Variants in MAGI2 observed in about 807,000 individuals in gnomAD.
The protein encoded by MAGI2 is membrane-associated guanylate kinase, WW and PDZ domain-containing protein 2.
MAGI2 carries 35 observed loss-of-function variants against 133.3 expected under a neutral mutation model. The ratio of observed to expected loss-of-function variants is 0.26; its 90% confidence interval spans 0.20 to 0.35. The LOEUF (loss-of-function observed/expected upper bound fraction) is 0.35, where lower values mean the gene tolerates loss of function less well. MAGI2 is among the 10% of genes least tolerant of loss of function. The pLI is 1.00. For missense variants in MAGI2, 1,636 were observed against 1,863.4 expected, an observed-to-expected ratio of 0.88 and a Z score of 2.25; for synonymous variants, 729 against 710.6, an observed-to-expected ratio of 1.03 and a Z score of -0.41.
At chr7:79,064,953 C>G (rs1814153277) in intron 1 of MAGI2, among the ~76,000 whole-genome samples, 1 of 151,926 alleles carries the variant, frequency 6.6e-6, no homozygotes, top group Non-Finnish European at 1.5e-5. Context: ...AGTGTAATAC[C>G]CTAATTATTG....
intron 6 of MAGI2, among the ~76,000 whole-genome samples, chr7:78,452,642 T>C (rs778639384): frequency 2.0e-5 from 3 of 151,820 alleles, no homozygotes; most frequent in Non-Finnish European, 4.4e-5. Flanking sequence ...GGAGACTTTG[T>C]ATGTAGAATG....
intron 1 of MAGI2, among the ~76,000 whole-genome samples, chr7:79,305,032 T>C (rs1033775840): frequency 3.3e-5 from 5 of 152,104 alleles, no homozygotes; most frequent in Admixed American, 2.6e-4. Context: ...GGAGCGATGA[T>C]GGAAATCAGC....
intron 1 of MAGI2, among the ~76,000 whole-genome samples, chr7:79,445,353 G>T (rs929684359): frequency 2.0e-4 from 30 of 152,120 alleles, no homozygotes; most frequent in Non-Finnish European, 4.1e-4. Flanking sequence ...CACAGCAAAA[G>T]AAACTACCAT....
chr7:78,500,430 T>C (rs1794517916), intron 5 of MAGI2, among the ~76,000 whole-genome samples: 1 of 152,228 alleles, frequency 6.6e-6, no homozygotes, highest in Non-Finnish European at 1.5e-5. Context: ...TCATTCACAT[T>C]AGTTTCAGTT....
chr7:79,069,681 T>G (rs1042260092), intron 1 of MAGI2, among the ~76,000 whole-genome samples: 1 of 152,208 alleles, frequency 6.6e-6, no homozygotes, highest in African/African-American at 2.4e-5. Flanking sequence ...TGTTAATTGA[T>G]GCAGTTTCTT....
intron 2 of MAGI2, among the ~76,000 whole-genome samples, chr7:78,732,537 GA>G (rs1821469905): frequency 6.6e-6 from 1 of 152,134 alleles, no homozygotes; most frequent in Non-Finnish European, 1.5e-5. Flanking sequence ...AGGATGGATT[GA>G]AAGAAGAATA....
chr7:79,019,416 T>C (rs1809060983), intron 1 of MAGI2, among the ~76,000 whole-genome samples: 1 of 152,206 alleles, frequency 6.6e-6, no homozygotes, highest in South Asian at 2.1e-4. Flanking sequence ...TGCCACCCTG[T>C]GAAGAGGTGC....
intron 2 of MAGI2, among the ~76,000 whole-genome samples, chr7:78,780,122 C>A (rs1383787844): frequency 1.3e-5 from 2 of 152,208 alleles, no homozygotes; most frequent in Admixed American, 6.5e-5. Flanking sequence ...CGTGTTATGA[C>A]AATGTGTACT....
At chr7:79,309,968 TAA>T (rs111847690) in intron 1 of MAGI2, among the ~76,000 whole-genome samples, 4 of 101,506 alleles carry the variant, frequency 3.9e-5, no homozygotes, top group Non-Finnish European at 5.9e-5. Context: ...TTGTTTTTCC[TAA>T]AAAAAAAAAA....
chr7:78,603,996 C>T lies in MAGI2; in HGVS notation c.538+23124G>A, dbSNP rs188056002. Among the ~76,000 whole-genome samples, 215 of 152,126 alleles carry T rather than the reference C, an allele frequency of 1.4e-3. 1 individual carries two copies. The highest frequency in any genetic ancestry group is 4.8e-3 in the African/African-American group (199 of 41,506). ...CATATTTTAGAGCTGATAGGCTGGT[C>T]GGATTGGCACTAATGAAACATAAAA... On this transcript the variant is annotated intron_variant, in intron 3 of 21. Coordinates refer to ENST00000354212, the MANE Select transcript of MAGI2 (RefSeq NM_012301.4).
chr7:79,394,709 C>T (rs1844913816), intron 1 of MAGI2, among the ~76,000 whole-genome samples: 1 of 152,068 alleles, frequency 6.6e-6, no homozygotes, highest in Non-Finnish European at 1.5e-5. Flanking sequence ...TCATGTTGTT[C>T]CTGTTGAAAT....
chr7:78,194,396 G>A (rs1332675023), intron 12 of MAGI2, among the ~76,000 whole-genome samples: 1 of 152,146 alleles, frequency 6.6e-6, no homozygotes, highest in African/African-American at 2.4e-5. Flanking sequence ...ACCTAGATCA[G>A]TACTGCATTC....
chr7:78,365,012 A>T (rs1793229963), intron 7 of MAGI2, among the ~76,000 whole-genome samples: 1 of 152,226 alleles, frequency 6.6e-6, no homozygotes, highest in African/African-American at 2.4e-5. Context: ...AGCAGATAAA[A>T]TTTAAAAAGA....
chr7:79,438,136 C>T (rs1585982037), intron 1 of MAGI2, among the ~76,000 whole-genome samples: 1 of 152,126 alleles, frequency 6.6e-6, no homozygotes, highest in South Asian at 2.1e-4. Flanking sequence ...ACTCTCTACA[C>T]TGAAGGTCCA....
At chr7:78,023,498 G>T (rs761001884) in intron 21 of MAGI2, among the ~76,000 whole-genome samples, 1 of 152,090 alleles carries the variant, frequency 6.6e-6, no homozygotes, top group African/African-American at 2.4e-5. Context: ...CATCGTTCAC[G>T]TTCTGAGATG....
chr7:78,052,566 G>C (rs1302819438), intron 21 of MAGI2, among the ~76,000 whole-genome samples: 1 of 152,158 alleles, frequency 6.6e-6, no homozygotes, highest in African/African-American at 2.4e-5. Context: ...TAAGACAAAG[G>C]GGCAGCCAGG....
chr7:78,877,404 T>C (rs1795514120), intron 2 of MAGI2, among the ~76,000 whole-genome samples: 1 of 152,230 alleles, frequency 6.6e-6, no homozygotes, highest in Non-Finnish European at 1.5e-5. Context: ...TATAAACCAC[T>C]GTGTGCTAAC....
chr7:79,144,097 A>G (rs1482339410), intron 1 of MAGI2, among the ~76,000 whole-genome samples: 1 of 152,336 alleles, frequency 6.6e-6, no homozygotes, highest in East Asian at 1.9e-4. Flanking sequence ...CAATCATTGT[A>G]CTTACCTCAT....
At chr7:78,534,274 T>C (rs1364501321) in intron 3 of MAGI2, among the ~76,000 whole-genome samples, 1 of 152,170 alleles carries the variant, frequency 6.6e-6, no homozygotes, top group African/African-American at 2.4e-5. Context: ...AAAATTGGAA[T>C]TATGATTGAA....
Sources: allele counts gnomAD v4.1 joint callset (sites outside exome capture counted in the v4.1 genomes callset), GRCh38; gene constraint gnomAD v4.1.1; transcripts MANE v1.5; gene names NCBI Gene and HGNC (gene_info 2026-07-23, HGNC 2026-07-21).